Variants in EVL observed in about 807,000 individuals in gnomAD.
EVL encodes the protein Enah/Vasp-like, also known as ena/VASP-like protein.
A neutral mutation model predicts 59.6 loss-of-function variants in EVL; 21 were observed. That is an observed-to-expected ratio of 0.35 (90% confidence interval 0.25 to 0.51). The LOEUF is 0.51. EVL is among the 20% of genes least tolerant of loss of function. The probability of loss-of-function intolerance (pLI) is 0.97; values close to 1 mark genes in which losing one functional copy is unlikely to be tolerated. For missense variants in EVL, 462 were observed against 546.6 expected, an observed-to-expected ratio of 0.85 and a Z score of 1.54; for synonymous variants, 198 against 203.5, an observed-to-expected ratio of 0.97 and a Z score of 0.23.
chr14:100,128,883 C>T, intron 6 of EVL, 135 bp downstream of exon 6: 1 of 701,946 alleles, frequency 1.4e-6, no homozygotes, highest in Non-Finnish European at 2.4e-6. Flanking sequence ...GGCCCTTGGC[C>T]ACTTGTTCTC....
chr14:100,057,202 G>A (rs12435429), intron 1 of EVL, among the ~76,000 whole-genome samples: 1,683 of 152,298 alleles, frequency 0.011, 39 homozygotes, highest in Admixed American at 0.039. Flanking sequence ...CCCACTCCCA[G>A]GAGTCCAGTG....
chr14:100,126,677 T>A, intron 4 of EVL, 30 bp from the exon 5 acceptor site: 3 of 1,610,744 alleles, frequency 1.9e-6, no homozygotes, highest in Non-Finnish European at 2.5e-6. Flanking sequence ...AGTGGAGGAG[T>A]CAGACTGCCC....
Position 100,132,710 on chromosome 14 carries a change from T to C in EVL, c.840-9T>C. 1 of 1,614,124 alleles carries C rather than the reference T, an allele frequency of 6.2e-7. No individual in the cohort carries two copies. Among genetic ancestry groups the C allele is most frequent in the Non-Finnish European group, 8.5e-7 (1 of 1,179,998 alleles). ...AGCTGATCTGTATCTTCCCCTTCTC[T>C]GTGCCTAGGAGAAAAGCAGCCTCCC... On this transcript the variant is annotated splice_polypyrimidine_tract_variant and intron_variant, in intron 7 of 13. Coordinates refer to ENST00000392920, the MANE Select transcript of EVL (RefSeq NM_016337.3).
In EVL at chr14:100,078,727, A is replaced by C. The variant is rs1188532949; in HGVS notation, c.12-5960A>C. On this transcript the variant is annotated intron_variant, in intron 1 of 13. Coordinates refer to ENST00000392920, the MANE Select transcript of EVL (RefSeq NM_016337.3). Reference sequence around the variant, plus strand: ...TTGTGATGGTTATGTGGTGAAAGATAAAGGAGTTCCCAGCAGGGCAGCTCA... The same window carrying C: ...TTGTGATGGTTATGTGGTGAAAGATCAAGGAGTTCCCAGCAGGGCAGCTCA... Among the ~76,000 whole-genome samples the C allele has an allele frequency of 3.0e-4, 46 of 152,094 alleles. 1 individual carries two copies. Among genetic ancestry groups the C allele is most frequent in the Admixed American group, 2.9e-3 (45 of 15,284 alleles).
At chr14:100,101,206 C>T (rs1474260241) in intron 3 of EVL, among the ~76,000 whole-genome samples, 2 of 152,054 alleles carry the variant, frequency 1.3e-5, no homozygotes, top group Non-Finnish European at 2.9e-5. Context: ...AAAATTAGGC[C>T]GGGCGCGGTG....
chr14:100,026,416 T>G (rs937975005), intron 1 of EVL, among the ~76,000 whole-genome samples: 3 of 142,960 alleles, frequency 2.1e-5, no homozygotes, highest in African/African-American at 7.4e-5. Flanking sequence ...CAGTCCCTCT[T>G]TCCCAGATAC....
upstream of EVL, among the ~76,000 whole-genome samples, chr14:100,063,140 G>T (rs2061866058): frequency 6.6e-6 from 1 of 152,140 alleles, no homozygotes; most frequent in Admixed American, 6.5e-5. Context: ...ATGGCAAAAA[G>T]GACTCTGCAG....
At chr14:100,040,039 C>G (rs2061444397) in intron 1 of EVL, among the ~76,000 whole-genome samples, 1 of 152,158 alleles carries the variant, frequency 6.6e-6, no homozygotes, top group African/African-American at 2.4e-5. Flanking sequence ...CTTGACTTCT[C>G]AAAGTGCTGG....
At chr14:100,062,090 A>C (rs2061844747), upstream of EVL, among the ~76,000 whole-genome samples, 1 of 151,890 alleles carries the variant, frequency 6.6e-6, no homozygotes, top group Non-Finnish European at 1.5e-5. Flanking sequence ...GTGAGCTGTA[A>C]TCATACCACT....
intron 1 of EVL, among the ~76,000 whole-genome samples, chr14:99,990,181 A>G (rs932257796): frequency 2.0e-5 from 3 of 152,140 alleles, no homozygotes; most frequent in South Asian, 2.1e-4. Context: ...CTGAATCACA[A>G]ATATTCTTAA....
chr14:100,090,262 GA>G (rs1177698700), intron 2 of EVL, among the ~76,000 whole-genome samples: 1 of 152,100 alleles, frequency 6.6e-6, no homozygotes, highest in East Asian at 1.9e-4. Flanking sequence ...AATGAAAGGG[GA>G]AATCACTACA....
intron 1 of EVL, among the ~76,000 whole-genome samples, chr14:99,989,347 C>T (rs778844879): frequency 3.9e-5 from 6 of 152,148 alleles, no homozygotes; most frequent in South Asian, 2.1e-4. Flanking sequence ...AGGTCTTCAT[C>T]GTTATTAAAA....
intron 1 of EVL, among the ~76,000 whole-genome samples, chr14:99,989,155 C>CT (rs1216676567): frequency 1.3e-5 from 2 of 152,110 alleles, no homozygotes; most frequent in African/African-American, 4.8e-5. Flanking sequence ...CCAGACTTGT[C>CT]TTTTTTCAGA....
chr14:100,116,810 A>T (rs982994425), intron 3 of EVL, among the ~76,000 whole-genome samples: 11 of 152,212 alleles, frequency 7.2e-5, no homozygotes, highest in Non-Finnish European at 5.9e-5. Context: ...ACATTTTAGT[A>T]TATTTCCTCC....
At chr14:100,075,208 A>G (rs1172472406) in intron 1 of EVL, among the ~76,000 whole-genome samples, 3 of 152,138 alleles carry the variant, frequency 2.0e-5, no homozygotes, top group South Asian at 2.1e-4. Context: ...TCAGAGAGAG[A>G]CTGGAATTTG....
At chr14:100,051,742 C>A (rs915728965) in intron 1 of EVL, among the ~76,000 whole-genome samples, 2 of 152,158 alleles carry the variant, frequency 1.3e-5, no homozygotes, top group African/African-American at 4.8e-5. Context: ...CCTGGGGGTA[C>A]ATAAAGACTT....
At chr14:100,030,057 A>G (rs1056068957) in intron 1 of EVL, among the ~76,000 whole-genome samples, 1 of 150,554 alleles carries the variant, frequency 6.6e-6, no homozygotes, top group African/African-American at 2.4e-5. Context: ...ACTATTACCA[A>G]TCTCTGACAG....
At chr14:100,021,643 C>T (rs866717038) in intron 1 of EVL, among the ~76,000 whole-genome samples, 5 of 152,136 alleles carry the variant, frequency 3.3e-5, no homozygotes, top group Non-Finnish European at 7.4e-5. Flanking sequence ...GATTGCTGGA[C>T]CCCACTCCCA....
At chr14:100,077,868 G>C (rs1241481605) in intron 1 of EVL, among the ~76,000 whole-genome samples, 6 of 152,170 alleles carry the variant, frequency 3.9e-5, no homozygotes, top group Non-Finnish European at 7.3e-5. Context: ...TGCCTCCCGG[G>C]TTCACGCCAT....
Sources: gnomAD v4.1 joint callset for allele counts (sites outside exome capture counted in the v4.1 genomes callset) on GRCh38, gnomAD v4.1.1 for gene constraint, MANE v1.5 for transcripts, NCBI Gene and HGNC (gene_info 2026-07-23, HGNC 2026-07-21) for gene names.